LRP11: variants seen among roughly 807,000 people sequenced by gnomAD.
LRP11 encodes the protein LDL receptor related protein 11.
A neutral mutation model predicts 43.1 loss-of-function variants in LRP11; 25 were observed. That is an observed-to-expected ratio of 0.58 (90% confidence interval 0.42 to 0.81). The LOEUF (loss-of-function observed/expected upper bound fraction) is 0.81. Among genes scored for constraint, LRP11 ranks in the 30% least tolerant of loss-of-function variants. The pLI is 0.00. For missense variants in LRP11, 623 were observed against 665.1 expected (o/e 0.94, Z 0.70); for synonymous variants, 316 against 299.4 (o/e 1.06, Z -0.57).
At chr6:149,850,814 C>A (rs1025104597) in intron 2 of LRP11, among the ~76,000 whole-genome samples, 1 of 152,160 alleles carries the variant, frequency 6.6e-6, no homozygotes, top group Admixed American at 6.5e-5. Context: ...ACTAACCAAC[C>A]CAGCATTCCA....
chr6:149,851,171 C>A (rs905750627), intron 2 of LRP11, among the ~76,000 whole-genome samples: 1 of 152,184 alleles, frequency 6.6e-6, no homozygotes, highest in Non-Finnish European at 1.5e-5. Context: ...CGATTGGGAA[C>A]TGGTTCAGAG....
chr6:149,832,165 G>T (rs1776415983), intron 5 of LRP11, among the ~76,000 whole-genome samples: 1 of 146,982 alleles, frequency 6.8e-6, no homozygotes, highest in South Asian at 2.2e-4. Context: ...TTAGTATCTT[G>T]TTAACAAGTC....
intron 4 of LRP11, 69 bp downstream of exon 4, chr6:149,837,269 C>A (rs2115385061): frequency 6.5e-7 from 1 of 1,532,132 alleles, no homozygotes; most frequent in South Asian, 1.2e-5. Context: ...GCATTTCATT[C>A]TCAGAACACA....
intron 3 of LRP11, chr6:149,842,599 TGC>T (rs1443654562): frequency 6.5e-7 from 1 of 1,543,722 alleles, no homozygotes. Flanking sequence ...TTCCACTCTC[TGC>T]TTCCACGAGT....
At chr6:149,828,138 C>A (rs1776364366) in intron 5 of LRP11, among the ~76,000 whole-genome samples, 1 of 151,826 alleles carries the variant, frequency 6.6e-6, no homozygotes, top group Admixed American at 6.6e-5. Flanking sequence ...GTGCAGTGAG[C>A]CAAGATCATG....
At chr6:149,861,276 A>G (rs1338627039) in intron 1 of LRP11, among the ~76,000 whole-genome samples, 1 of 152,236 alleles carries the variant, frequency 6.6e-6, no homozygotes, top group Non-Finnish European at 1.5e-5. Context: ...CCACGCAGAG[A>G]GAACAAATGA....
At chr6:149,842,012 T>C (rs1255849045) in intron 3 of LRP11, among the ~76,000 whole-genome samples, 1 of 152,216 alleles carries the variant, frequency 6.6e-6, no homozygotes, top group African/African-American at 2.4e-5. Context: ...GTGAGAACCA[T>C]CATATGTATT....
intron 6 of LRP11, among the ~76,000 whole-genome samples, chr6:149,825,403 A>G (rs911604640): frequency 2.6e-5 from 4 of 152,158 alleles, no homozygotes; most frequent in Non-Finnish European, 5.9e-5. Context: ...TTGGAAAGAG[A>G]ACTAGGTATT....
chr6:149,822,184 CA>C (rs1332582602), intron 6 of LRP11, among the ~76,000 whole-genome samples: 2 of 151,926 alleles, frequency 1.3e-5, no homozygotes, highest in Admixed American at 6.6e-5. Context: ...CTTGTCTCTA[CA>C]AAAAATTATT....
At chr6:149,855,712 T>TTA (rs1562446614) in intron 1 of LRP11, among the ~76,000 whole-genome samples, 1 of 122,552 alleles carries the variant, frequency 8.2e-6, no homozygotes, top group African/African-American at 2.7e-5. Flanking sequence ...TTTTTTTTTT[T>TTA]AAAAAAAAAA....
chr6:149,863,589 C>A lies in LRP11; in HGVS notation c.432G>T (p.Val144=). 7.0e-7 allele frequency: 1 copy of A among 1,424,712 alleles called. No individual in the cohort carries two copies. The highest frequency in any genetic ancestry group is 1.4e-5 in the South Asian group (1 of 69,886). The allele number at this position is 1,424,712 out of a possible 1,614,324, so 88.3% of individuals were successfully genotyped here. ...CCSEPRCSVA[V]VELPRRPAPP... is the part of the protein sequence containing the mutation. ...GCGCGGGGCGCCGGGGCAGCTCCAC[C>A]ACGGCCACGGAGCAGCGCGGCTCGG... is the stretch of plus-strand genomic sequence containing the variant. The change falls in exon 1 of 7, where the codon GTG becomes GTT. Residue 144 remains valine (V), a synonymous_variant. Coordinates refer to ENST00000239367, the MANE Select transcript of LRP11 (RefSeq NM_032832.6).
rs371453832 is a variant in LRP11, at chr6:149,836,329, G to A, written c.1040-32C>T. The A allele has an allele frequency of 4.6e-4, 734 of 1,582,486 alleles. 1 individual carries two copies. Among genetic ancestry groups the A allele is most frequent in the Middle Eastern group, 2.7e-3 (15 of 5,510 alleles). On this transcript the variant is annotated intron_variant, in intron 4 of 6. Coordinates refer to ENST00000239367, the MANE Select transcript of LRP11 (RefSeq NM_032832.6). ...TGTGGAAGAGCTACTGTTAGTTGCT[G>A]GATTTCTTTTCTGAGCTTTAATACT...
chr6:149,845,970 G>T (rs1454091316), intron 2 of LRP11, among the ~76,000 whole-genome samples: 1 of 152,278 alleles, frequency 6.6e-6, no homozygotes, highest in East Asian at 1.9e-4. Flanking sequence ...CACCCTGTCC[G>T]CGGGTACCAC....
At chr6:149,858,843 T>C (rs1472242075) in intron 1 of LRP11, among the ~76,000 whole-genome samples, 1 of 152,170 alleles carries the variant, frequency 6.6e-6, no homozygotes, top group Non-Finnish European at 1.5e-5. Flanking sequence ...AATAAACATG[T>C]TTTGCTCATA....
Position 149,820,699 on chromosome 6 carries a change from T to C in LRP11, c.1353A>G (p.Ala451=). ...CCAAACCCAGCGCCAGGGGTAGCAC[T>C]GCACCTTTGAGAAGGTTAGACATGA... The part of the protein sequence containing the change: ...GGEHPAPETG[A]VLPLALGLAI... Residue 451 remains alanine, a synonymous_variant, in exon 7 of 7, where the codon GCA becomes GCG. Transcript: ENST00000239367. 1.3e-6 allele frequency: 1 copy of C among 780,934 alleles called. No homozygotes were observed. 48.4% of individuals were successfully genotyped at this position (780,934 alleles called of 1,614,324 possible).
At chr6:149,831,993 G>C (rs1419473212) in intron 5 of LRP11, among the ~76,000 whole-genome samples, 1 of 152,062 alleles carries the variant, frequency 6.6e-6, no homozygotes, top group Non-Finnish European at 1.5e-5. Flanking sequence ...TCAGAAACTG[G>C]CCTCTGGAAG....
chr6:149,853,059 C>A lies in LRP11; in HGVS notation c.715G>T (p.Ala239Ser), dbSNP rs530000869. The change falls in exon 2 of 7, where the codon GCC becomes TCC. Residue 239 changes from alanine (A) to serine (S), a missense_variant. Coordinates refer to ENST00000239367, the MANE Select transcript of LRP11 (RefSeq NM_032832.6). ...LDGRESTDDH[A>S]IVQYEWALLQ... The stretch of plus-strand genomic sequence containing the variant: ...AGTGCCCACTCATACTGGACGATGG[C>A]GTGGTCATCTGTGCTCTCGCGGCCG... 1.2e-6 allele frequency: 2 copies of A among 1,612,278 alleles called. No homozygotes were observed. The highest frequency in any genetic ancestry group is 1.3e-5 in the African/African-American group (1 of 74,780).
chr6:149,861,391 G>A (rs191624897), intron 1 of LRP11, among the ~76,000 whole-genome samples: 3 of 152,234 alleles, frequency 2.0e-5, no homozygotes, highest in African/African-American at 4.8e-5. Context: ...CCAGCACCGC[G>A]CTCGCCTATT....
chr6:149,841,548 A>G (rs954360535), intron 3 of LRP11, among the ~76,000 whole-genome samples: 8 of 152,198 alleles, frequency 5.3e-5, no homozygotes, highest in African/African-American at 1.9e-4. Context: ...CAATACTACA[A>G]TATCTTTAGT....
Sources: gnomAD v4.1 joint callset for allele counts (sites outside exome capture counted in the v4.1 genomes callset) on GRCh38, gnomAD v4.1.1 for gene constraint, MANE v1.5 for transcripts, NCBI Gene and HGNC (gene_info 2026-07-23, HGNC 2026-07-21) for gene names.